Variants in NPR1 observed in about 807,000 individuals in gnomAD.
NPR1 encodes natriuretic peptide receptor 1.
NPR1 carries 57 observed loss-of-function variants against 116.9 expected under a neutral mutation model. That is an observed-to-expected ratio of 0.49 (90% CI 0.39 to 0.61). NPR1 has a LOEUF of 0.61. Ranked by LOEUF, NPR1 falls within the 20% of genes least tolerant of loss-of-function variation. NPR1 has a pLI of 0.00. For synonymous variants in NPR1, 555 were observed against 601.6 expected (o/e 0.92, Z 1.13); for missense variants, 1,096 against 1,409.8 (o/e 0.78, Z 3.56).
At position 153,679,225 on chromosome 1, in the gene NPR1, G is replaced by C. The variant is rs2101726327; in HGVS notation, c.117G>C (p.Val39=). 6.6e-7 allele frequency: 1 copy of C among 1,524,006 alleles called. No homozygotes were observed. The highest frequency in any genetic ancestry group is 1.2e-5 in the South Asian group (1 of 82,680). The allele number at this position is 1,524,006 out of a possible 1,614,324, so 94.4% of individuals were successfully genotyped here. The change falls in exon 1 of 22, where the codon GTG becomes GTC. Residue 39 remains valine, a synonymous_variant. Coordinates refer to ENST00000368680, the MANE Select transcript of NPR1 (RefSeq NM_000906.4). This position sits in a 1 kb window ranked among gnomAD's most constrained non-coding sequence, Gnocchi z 4.2. ...ACGCGGGCAACCTGACGGTAGCCGT[G>C]GTACTGCCGCTGGCCAATACCTCGT... ...GSHAGNLTVA[V]VLPLANTSYP...
In NPR1 at chr1:153,688,108, C is replaced by G. The variant is rs1339097207; in HGVS notation, c.2304C>G (p.Ala768=). The change falls in exon 15 of 22, where the codon GCC becomes GCG. Residue 768 remains alanine, a synonymous_variant. Transcript: ENST00000368680. The part of the protein sequence containing the change: ...GEQPPFRPSL[A]LQSHLEELGL... ...AGCCCCCCTTCCGGCCCTCCCTGGC[C>G]CTGCAGAGTCACCTGGAGGAGTTGG... 1 of 1,613,594 alleles carries G rather than the reference C, an allele frequency of 6.2e-7. No individual in the cohort carries two copies. Among genetic ancestry groups the G allele is most frequent in the Non-Finnish European group, 8.5e-7 (1 of 1,179,746 alleles).
chr1:153,691,271 C>T (rs1043836075), intron 20 of NPR1, among the ~76,000 whole-genome samples: 3 of 152,214 alleles, frequency 2.0e-5, no homozygotes, highest in Non-Finnish European at 4.4e-5. Flanking sequence ...CCAGCAGGCA[C>T]CTAATAAATT....
At position 153,689,741 on chromosome 1, in the gene NPR1, G is replaced by A; in HGVS notation, c.2758-65G>A. 2 of 1,443,866 alleles carry A rather than the reference G, an allele frequency of 1.4e-6. No individual in the cohort carries two copies. Among genetic ancestry groups the A allele is most frequent in the Non-Finnish European group, 1.9e-6 (2 of 1,073,624 alleles). The allele number at this position is 1,443,866 out of a possible 1,614,324, so 89.4% of individuals were successfully genotyped here. A position where few individuals can be genotyped will look rare whatever the true frequency, so the allele number is the denominator to read the frequency against. On this transcript the variant is annotated intron_variant, in intron 18 of 21. Transcript: ENST00000368680. This position sits in a 1 kb window ranked among gnomAD's most constrained non-coding sequence, Gnocchi z 5.1. ...CAGAATGACAGACGCTGCACCCGGT[G>A]TGACGGTGTGGCCGGCCGCACAGTT...
chr1:153,686,750 G>A lies in NPR1; in HGVS notation c.1863G>A (p.Gln621=). Residue 621 remains glutamine, a splice_region_variant and synonymous_variant, in exon 11 of 22, where the codon CAG becomes CAA. Coordinates refer to ENST00000368680, the MANE Select transcript of NPR1 (RefSeq NM_000906.4). ...LTEYCPRGSL[Q]DILENESITL... ...AGTACTGTCCCCGTGGGAGCCTGCA[G>A]GTGAGGGGGACAAGGGGTGTCAAGA... is the stretch of plus-strand genomic sequence containing the variant. 1.9e-6 allele frequency: 3 copies of A among 1,613,168 alleles called. No homozygotes were observed.
rs544221797 is a variant in NPR1, at chr1:153,689,409, G to T, written c.2689-44G>T. 1.9e-6 allele frequency: 3 copies of T among 1,613,614 alleles called. No individual in the cohort carries two copies. The African/African-American group carries it at 4.0e-5, about 22-fold the overall frequency. ...TGCTTTACCCACCTGACCCCAGGTG[G>T]GGTCCCCTACTTCCTGTCTCTCTTA... On this transcript the variant is annotated intron_variant, in intron 17 of 21. Transcript: ENST00000368680. This position sits in a 1 kb window ranked among gnomAD's most constrained non-coding sequence, Gnocchi z 5.1.
Position 153,680,641 on chromosome 1 carries a change from C to T in NPR1, c.862C>T (p.Pro288Ser). The T allele has an allele frequency of 1.2e-6, 2 of 1,614,146 alleles. No homozygotes were observed. The highest frequency in any genetic ancestry group is 1.7e-5 in the Admixed American group (1 of 60,018). The change falls in exon 2 of 22, where the codon CCC becomes TCC. Residue 288 changes from proline to serine, a missense_variant. Coordinates refer to ENST00000368680, the MANE Select transcript of NPR1 (RefSeq NM_000906.4). ...CCTGCAAGGTGGACAGGGCCCTGCT[C>T]CCCGCAGGCCCTGGGAGAGAGGGGA... ...QSLQGGQGPA[P>S]RRPWERGDGQ...
intron 10 of NPR1, 80 bp downstream of exon 10, chr1:153,686,280 G>A: frequency 7.4e-7 from 1 of 1,358,168 alleles, no homozygotes; most frequent in South Asian, 1.2e-5. Context: ...AACTAGTTAT[G>A]GAGGGACCTC....
rs1669932491 is a variant in NPR1, at chr1:153,686,516, A to G, written c.1759-130A>G. 4 of 804,446 alleles carry G rather than the reference A, an allele frequency of 5.0e-6. No individual in the cohort carries two copies. The South Asian group carries it at 6.4e-5, about 13-fold the overall frequency. 49.8% of individuals were successfully genotyped at this position (804,446 alleles called of 1,614,324 possible). ...CTAAAGGACATGGGTGGGAATCACCAGGGAAGATCTTAGTGATGGTTGCAG... is the reference window on the plus strand; with the variant it reads ...CTAAAGGACATGGGTGGGAATCACCGGGGAAGATCTTAGTGATGGTTGCAG... On this transcript the variant is annotated intron_variant, in intron 10 of 21. Transcript: ENST00000368680.
Position 153,686,765 on chromosome 1 carries a change from G to A in NPR1, c.1863+15G>A, listed in dbSNP as rs377764310. The A allele has an allele frequency of 7.5e-6, 12 of 1,607,728 alleles. No individual in the cohort carries two copies. The highest frequency in any genetic ancestry group is 1.0e-5 in the Non-Finnish European group (12 of 1,175,148). ...GGAGCCTGCAGGTGAGGGGGACAAGGGGTGTCAAGAAACCTGGGTTCTAGC... is the reference window on the plus strand; with the variant it reads ...GGAGCCTGCAGGTGAGGGGGACAAGAGGTGTCAAGAAACCTGGGTTCTAGC... On this transcript the variant is annotated intron_variant, in intron 11 of 21. Transcript: ENST00000368680.
chr1:153,685,655 C>A, intron 8 of NPR1, 151 bp from the exon 9 acceptor site: 1 of 656,682 alleles, frequency 1.5e-6, no homozygotes, highest in Non-Finnish European at 2.7e-6. Flanking sequence ...CACAATGATA[C>A]TACATCTCAA....
In NPR1 at chr1:153,686,154, G is replaced by T. The variant is rs779546718; in HGVS notation, c.1712G>T (p.Arg571Leu). The change falls in exon 10 of 22, where the codon CGT (arginine) becomes CTT (leucine). Residue 571 changes from arginine to leucine, a missense_variant. Coordinates refer to ENST00000368680, the MANE Select transcript of NPR1 (RefSeq NM_000906.4). ...GNLVAVKRVN[R>L]KRIELTRKVL... The stretch of plus-strand genomic sequence containing the variant: ...CTCGTGGCTGTGAAACGTGTGAACC[G>T]TAAACGCATTGAGCTGACACGAAAA... 1 of 1,613,992 alleles carries T rather than the reference G, an allele frequency of 6.2e-7. No homozygotes were observed. The highest frequency in any genetic ancestry group is 8.5e-7 in the Non-Finnish European group (1 of 1,180,014).
rs1437437765 is a variant in NPR1 at position 153,689,264 on chromosome 1, G to C, written c.2641G>C (p.Asp881His). The change falls in exon 17 of 22, where the codon GAC (aspartate) becomes CAC (histidine). Residue 881 changes from aspartate to histidine, a missense_variant. Transcript: ENST00000368680. The surrounding 1 kb of genome is among the most constrained non-coding windows in gnomAD (Gnocchi z 5.1). ...TGACAGTGTTACCATCTACTTCAGT[G>C]ACATTGTGGGTTTCACAGCGCTGTC... is the stretch of plus-strand genomic sequence containing the variant. ...AFDSVTIYFS[D>H]IVGFTALSAE... is the part of the protein sequence containing the mutation. The C allele has an allele frequency of 1.2e-6, 2 of 1,614,106 alleles. No individual in the cohort carries two copies. The highest frequency in any genetic ancestry group is 1.7e-6 in the Non-Finnish European group (2 of 1,180,056).
chr1:153,682,387 A>G, intron 4 of NPR1, 111 bp from the exon 5 acceptor site: 1 of 752,380 alleles, frequency 1.3e-6, no homozygotes, highest in Non-Finnish European at 2.4e-6. Flanking sequence ...CATTCTGTAT[A>G]CATGTATGTT....
chr1:153,685,738 A>C (rs1669908149), intron 8 of NPR1, 68 bp from the exon 9 acceptor site: 2 of 1,213,000 alleles, frequency 1.6e-6, no homozygotes, highest in East Asian at 2.3e-5. Flanking sequence ...TAAAGACCAG[A>C]GCACAAGCAA....
At chr1:153,682,805 G>A (rs1474005185) in intron 5 of NPR1, among the ~76,000 whole-genome samples, 1 of 152,222 alleles carries the variant, frequency 6.6e-6, no homozygotes, top group African/African-American at 2.4e-5. Context: ...GGAGCCCCAT[G>A]CCTGAGGAGG....
intron 15 of NPR1, 60 bp downstream of exon 15, chr1:153,688,281 T>A (rs1250743090): frequency 6.4e-7 from 1 of 1,559,048 alleles, no homozygotes; most frequent in East Asian, 2.2e-5. Context: ...ATTTACCTAA[T>A]GCTTCTGGCT....
At position 153,687,228 on chromosome 1, in the gene NPR1, T is replaced by A; in HGVS notation, c.1964T>A (p.Ile655Asn). ...KGMLFLHNGA[I>N]CSHGNLKSSN... ...ATGCTGTTTCTACACAATGGGGCTATCTGTTCCCATGGGAACCTCAAGTCA... is the reference window on the plus strand; with the variant it reads ...ATGCTGTTTCTACACAATGGGGCTAACTGTTCCCATGGGAACCTCAAGTCA... The change falls in exon 13 of 22, where the codon ATC becomes AAC. Residue 655 changes from isoleucine (I) to asparagine (N), a missense_variant. Coordinates refer to ENST00000368680, the MANE Select transcript of NPR1 (RefSeq NM_000906.4). 6.2e-7 allele frequency: 1 copy of A among 1,614,186 alleles called. No homozygotes were observed. The highest frequency in any genetic ancestry group is 8.5e-7 in the Non-Finnish European group (1 of 1,180,006).
rs762119618 is a variant in NPR1, at chr1:153,693,281, C to T, written c.3124-71C>T. 6 of 1,599,420 alleles carry T rather than the reference C, an allele frequency of 3.8e-6. No individual in the cohort carries two copies. The African/African-American group carries it at 4.0e-5, about 11-fold the overall frequency. On this transcript the variant is annotated intron_variant, in intron 21 of 21. Transcript: ENST00000368680. The stretch of plus-strand genomic sequence containing the variant: ...CTCAAGCAGCCAATGCCACTCCCAT[C>T]CCTAAGGCTCTCATCTGACTGGGGA...
chr1:153,690,754 C>T (rs1373919926), intron 20 of NPR1, among the ~76,000 whole-genome samples: 1 of 151,746 alleles, frequency 6.6e-6, no homozygotes, highest in Non-Finnish European at 1.5e-5. Context: ...CCAGCCTGAC[C>T]AACATGATGA....
Sources: allele counts gnomAD v4.1 joint callset (sites outside exome capture counted in the v4.1 genomes callset), GRCh38; gene constraint gnomAD v4.1.1; non-coding constraint Gnocchi (gnomAD v3.1); transcripts MANE v1.5; gene names NCBI Gene and HGNC (gene_info 2026-07-23, HGNC 2026-07-21).